The following MED13L variants were observed in gnomAD, a reference collection of about 807,000 sequenced individuals.
The protein encoded by MED13L is mediator of RNA polymerase II transcription subunit 13-like.
A neutral mutation model predicts 220.9 loss-of-function variants in MED13L; 7 were observed. The ratio of observed to expected loss-of-function variants is 0.03; its 90% CI spans 0.02 to 0.06. MED13L has a LOEUF of 0.06. Among genes scored for constraint, MED13L ranks in the 10% least tolerant of loss-of-function variants. The probability of loss-of-function intolerance (pLI) is 1.00; values close to 1 mark genes in which losing one functional copy is unlikely to be tolerated. For missense variants in MED13L, 1,965 were observed against 2,760.5 expected (o/e 0.71, Z 6.46); for synonymous variants, 1,011 against 1,015.2 (o/e 1.00, Z 0.08).
At chr12:115,966,969 C>T (rs909047434) in intron 28 of MED13L, among the ~76,000 whole-genome samples, 1 of 151,898 alleles carries the variant, frequency 6.6e-6, no homozygotes, top group Non-Finnish European at 1.5e-5. Context: ...GTCAGAATTT[C>T]GAGACCTGCC....
chr12:116,142,323 T>C (rs574845060), intron 2 of MED13L, among the ~76,000 whole-genome samples: 1 of 152,336 alleles, frequency 6.6e-6, no homozygotes, highest in South Asian at 2.1e-4. Flanking sequence ...CTCAAATACT[T>C]GTGAACAACT....
Position 116,055,415 on chromosome 12 carries a change from G to A in MED13L, c.480-32814C>T, listed in dbSNP as rs139323968. The stretch of plus-strand genomic sequence containing the variant: ...CTCAGAAGAAAAAGCATATTAACAT[G>A]TAAACTTTCGATCCCTACTTTCAGA... On this transcript the variant is annotated intron_variant, in intron 4 of 30. Transcript: ENST00000281928. 1.4e-3 allele frequency among the ~76,000 whole-genome samples: 212 copies of A among 152,320 alleles called. 1 individual carries two copies. The highest frequency in any genetic ancestry group is 2.4e-3 in the Non-Finnish European group (160 of 68,034).
chr12:116,021,302 T>C (rs1368637212), intron 5 of MED13L, among the ~76,000 whole-genome samples: 1 of 152,202 alleles, frequency 6.6e-6, no homozygotes, highest in Non-Finnish European at 1.5e-5. Context: ...TCTTCCCTCA[T>C]GACTACTTAT....
intron 2 of MED13L, among the ~76,000 whole-genome samples, chr12:116,175,435 TAAC>T (rs1432983396): frequency 2.0e-5 from 3 of 151,936 alleles, no homozygotes; most frequent in Non-Finnish European, 2.9e-5. Flanking sequence ...TAGGTAGAGG[TAAC>T]AACAAAAACT....
intron 24 of MED13L, 40 bp from the exon 25 acceptor site, chr12:115,975,353 G>T: frequency 1.2e-6 from 2 of 1,613,810 alleles, no homozygotes; most frequent in African/African-American, 1.3e-5. Context: ...GGGGTCCCTA[G>T]ATAAATCAGA....
At position 116,020,037 on chromosome 12, in the gene MED13L, T is replaced by C. The variant is rs899281539; in HGVS notation, c.626-65A>G. ...AATAATTCCTACTTAAGTGCAACAC[T>C]ACATATGTGGTAATTTTAGGTTACA... On this transcript the variant is annotated intron_variant, in intron 5 of 30. Transcript: ENST00000281928. 8 of 1,389,272 alleles carry C rather than the reference T, an allele frequency of 5.8e-6. No homozygotes were observed. The Admixed American group carries it at 1.0e-4, about 18-fold the overall frequency. 86.1% of individuals were successfully genotyped at this position (1,389,272 alleles called of 1,614,324 possible).
chr12:116,040,667 A>G (rs1881470030), intron 4 of MED13L, among the ~76,000 whole-genome samples: 1 of 152,150 alleles, frequency 6.6e-6, no homozygotes, highest in Non-Finnish European at 1.5e-5. Flanking sequence ...ACTGGAAACT[A>G]CTCAAACTCC....
chr12:116,088,827 A>T (rs1290726201), intron 4 of MED13L, among the ~76,000 whole-genome samples: 1 of 152,140 alleles, frequency 6.6e-6, no homozygotes, highest in East Asian at 1.9e-4. Flanking sequence ...GAAAAGGCCA[A>T]ATCAACAACA....
intron 4 of MED13L, among the ~76,000 whole-genome samples, chr12:116,064,306 T>C (rs1339272138): frequency 1.3e-5 from 2 of 152,176 alleles, no homozygotes; most frequent in African/African-American, 4.8e-5. Flanking sequence ...GTAGACTGTA[T>C]TATTGGGGGA....
At chr12:116,277,020 T>TGCCCCGCCCCCCCCCCCCCCCCCCG in intron 1 of MED13L, 40 bp downstream of exon 1, 1 of 777,548 alleles carries the variant, frequency 1.3e-6, no homozygotes, top group Non-Finnish European at 2.0e-6. Context: ...ACCCCCCCCC[T>TGCCCCGCCCCCCCCCCCCCCCCCCG]TCCCCGGCAC....
At chr12:116,017,036 T>C (rs190056225) in intron 7 of MED13L, among the ~76,000 whole-genome samples, 2 of 152,332 alleles carry the variant, frequency 1.3e-5, no homozygotes, top group African/African-American at 4.8e-5. Flanking sequence ...TAACCTGTAA[T>C]TCAACATCCT....
rs141353737 is a variant in MED13L, at chr12:116,270,001, T to C, written c.72+7059A>G. Among the ~76,000 whole-genome samples, 83 of 151,822 alleles carry C rather than the reference T, an allele frequency of 5.5e-4. 1 individual carries two copies. In the East Asian group the frequency reaches 0.016, roughly 29 times the overall value. On this transcript the variant is annotated intron_variant, in intron 1 of 30. Coordinates refer to ENST00000281928, the MANE Select transcript of MED13L (RefSeq NM_015335.5). ...TCAAAATATATTCTAAAAAGCACTT[T>C]ATTAACTTAAAAAAAGGAGGACAAC...
At chr12:116,006,839 T>C in intron 11 of MED13L, 1 of 199,342 alleles carries the variant, frequency 5.0e-6, no homozygotes, top group Non-Finnish European at 1.0e-5. Flanking sequence ...TCCTTGATTC[T>C]CAAGAATACC....
At chr12:116,094,141 C>A (rs1872475218) in intron 4 of MED13L, among the ~76,000 whole-genome samples, 1 of 152,166 alleles carries the variant, frequency 6.6e-6, no homozygotes, top group Non-Finnish European at 1.5e-5. Context: ...CTACTGAGAT[C>A]CTATTTCAAC....
At chr12:116,131,405 T>G (rs910124888) in intron 2 of MED13L, among the ~76,000 whole-genome samples, 1 of 152,140 alleles carries the variant, frequency 6.6e-6, no homozygotes, top group Non-Finnish European at 1.5e-5. Flanking sequence ...CAACCTCCAT[T>G]AACCAGCATA....
intron 11 of MED13L, chr12:116,006,886 T>A (rs774950003): frequency 1.1e-4 from 23 of 208,066 alleles, no homozygotes; most frequent in Admixed American, 3.2e-4. Context: ...GTCTGAAAAT[T>A]TGAAATTAAA....
intron 2 of MED13L, among the ~76,000 whole-genome samples, chr12:116,174,255 C>T (rs888844807): frequency 2.0e-5 from 3 of 151,962 alleles, no homozygotes; most frequent in African/African-American, 4.8e-5. Flanking sequence ...AATTAGAAGC[C>T]GTCACATAAG....
At chr12:116,078,358 C>T (rs1387384191) in intron 4 of MED13L, among the ~76,000 whole-genome samples, 4 of 152,058 alleles carry the variant, frequency 2.6e-5, no homozygotes, top group Non-Finnish European at 5.9e-5. Context: ...ATAATTTCTA[C>T]ATAATCATTT....
chr12:116,213,385 T>C (rs117170024), intron 2 of MED13L, among the ~76,000 whole-genome samples: 3,052 of 130,484 alleles, frequency 0.023, 56 homozygotes, highest in Non-Finnish European at 0.034. Context: ...TGCAAGTTTC[T>C]TCTGGAGTGC....
Sources: allele counts gnomAD v4.1 joint callset (sites outside exome capture counted in the v4.1 genomes callset), GRCh38; gene constraint gnomAD v4.1.1; transcripts MANE v1.5; gene names NCBI Gene and HGNC (gene_info 2026-07-23, HGNC 2026-07-21).